Variants in TPD52L1 observed in about 807,000 individuals in gnomAD.
TPD52L1 encodes the protein TPD52 like 1.
In TPD52L1, 18 loss-of-function variants were observed where a neutral mutation model predicts 28.7. The ratio of observed to expected loss-of-function variants is 0.63; its 90% CI spans 0.43 to 0.93. The LOEUF (loss-of-function observed/expected upper bound fraction) is 0.93, where lower values mean the gene tolerates loss of function less well. Ranked by LOEUF, TPD52L1 falls within the 40% of genes least tolerant of loss-of-function variation. TPD52L1 has a pLI of 0.00. For missense variants in TPD52L1, 203 were observed against 254.8 expected, an observed-to-expected ratio of 0.80 and a Z score of 1.39; for synonymous variants, 75 against 88.8, an observed-to-expected ratio of 0.84 and a Z score of 0.88.
intron 1 of TPD52L1, among the ~76,000 whole-genome samples, chr6:125,169,455 C>T (rs968297701): frequency 2.0e-5 from 3 of 152,280 alleles, no homozygotes; most frequent in Admixed American, 2.0e-4. Context: ...CTCCTGAGCT[C>T]CCTCCTCCAA....
chr6:125,202,329 T>C (rs1167468463), intron 1 of TPD52L1, among the ~76,000 whole-genome samples: 1 of 152,234 alleles, frequency 6.6e-6, no homozygotes, highest in Non-Finnish European at 1.5e-5. Flanking sequence ...GAAAGATGAC[T>C]CAGCACTTTA....
At chr6:125,160,400 C>T (rs1016399711) in intron 1 of TPD52L1, among the ~76,000 whole-genome samples, 2 of 152,004 alleles carry the variant, frequency 1.3e-5, no homozygotes, top group Admixed American at 1.3e-4. Context: ...TGCTCGGTTG[C>T]CTAGGCTGAA....
chr6:125,176,047 A>C (rs761185886), intron 1 of TPD52L1, among the ~76,000 whole-genome samples: 9 of 152,306 alleles, frequency 5.9e-5, no homozygotes, highest in Non-Finnish European at 1.3e-4. Flanking sequence ...GATCTCTTAG[A>C]TTGCCATGGA....
rs112097163 is a variant in TPD52L1, at chr6:125,237,812, G to A, written c.284+8546G>A. On this transcript the variant is annotated intron_variant, in intron 3 of 6. Transcript: ENST00000534000. ...GCATGTGCCACCCAGCCCTGATTTT[G>A]TTTTGTTTTGTTTTGTTTTGCTTTT... is the stretch of plus-strand genomic sequence containing the variant. Among the ~76,000 whole-genome samples the A allele has an allele frequency of 1.2e-3, 185 of 150,668 alleles. 3 individuals carry two copies. Among genetic ancestry groups the A allele is most frequent in the African/African-American group, 4.2e-3 (172 of 41,384 alleles).
chr6:125,229,058 G>C, intron 2 of TPD52L1, 60 bp from the exon 3 acceptor site: 2 of 1,569,392 alleles, frequency 1.3e-6, no homozygotes, highest in Non-Finnish European at 1.7e-6. Context: ...CAGAGCTTCT[G>C]TAAGTATCCT....
chr6:125,192,312 A>G (rs1369594268), intron 1 of TPD52L1, among the ~76,000 whole-genome samples: 1 of 147,160 alleles, frequency 6.8e-6, no homozygotes, highest in African/African-American at 2.4e-5. Flanking sequence ...GAACAACAAC[A>G]AAAAAAATCT....
chr6:125,164,228 T>C (rs1790731488), intron 1 of TPD52L1, among the ~76,000 whole-genome samples: 1 of 152,202 alleles, frequency 6.6e-6, no homozygotes, highest in Admixed American at 6.5e-5. Context: ...AGAATTTAAT[T>C]GTACAGTTCA....
chr6:125,231,885 A>G (rs1795974886), intron 3 of TPD52L1, among the ~76,000 whole-genome samples: 1 of 152,162 alleles, frequency 6.6e-6, no homozygotes, highest in Non-Finnish European at 1.5e-5. Context: ...CCGATCCCAT[A>G]GGTAGTGAAG....
At chr6:125,190,069 T>C (rs1265422361) in intron 1 of TPD52L1, among the ~76,000 whole-genome samples, 1 of 152,154 alleles carries the variant, frequency 6.6e-6, no homozygotes, top group Non-Finnish European at 1.5e-5. Flanking sequence ...TATAGCTATC[T>C]GCTTCTAAGA....
chr6:125,262,867 A>C lies in TPD52L1; in HGVS notation c.520A>C (p.Ser174Arg). The C allele has an allele frequency of 6.2e-7, 1 of 1,614,216 alleles. No individual in the cohort carries two copies. Among genetic ancestry groups the C allele is most frequent in the Non-Finnish European group, 8.5e-7 (1 of 1,180,022 alleles). ...AGGCGGTACGAACCCTAATGGAGGC[A>C]GTTTTGAGGAGGTCCTCAGCTCCAC... ...KVGGTNPNGGSFEEVLSSTAH... is the reference protein window; with the variant it reads ...KVGGTNPNGGRFEEVLSSTAH... Residue 174 changes from serine (S) to arginine (R), a missense_variant, in exon 7 of 7, where the codon AGT (serine) becomes CGT (arginine). By Grantham distance (110) the Ser-to-Arg change is moderately radical. Transcript: ENST00000534000.
chr6:125,197,749 A>G (rs2114884413), intron 1 of TPD52L1, among the ~76,000 whole-genome samples: 1 of 152,320 alleles, frequency 6.6e-6, no homozygotes, highest in South Asian at 2.1e-4. Context: ...TCCAATTTTC[A>G]GAGTCTAAAA....
At chr6:125,163,942 G>GA (rs143376714) in intron 1 of TPD52L1, among the ~76,000 whole-genome samples, 2,149 of 147,340 alleles carry the variant, frequency 0.015, 56 homozygotes, top group African/African-American at 0.051. Context: ...GAAAACAAAA[G>GA]AAAAAAACCA....
intron 1 of TPD52L1, among the ~76,000 whole-genome samples, chr6:125,216,525 G>GTATATATA (rs1554210698): frequency 2.9e-5 from 3 of 104,868 alleles, no homozygotes; most frequent in South Asian, 2.8e-4. Flanking sequence ...TTCAGTATGT[G>GTATATATA]TGTGTATATA....
chr6:125,170,373 G>A (rs1026598777), intron 1 of TPD52L1, among the ~76,000 whole-genome samples: 1 of 150,830 alleles, frequency 6.6e-6, no homozygotes, highest in Admixed American at 6.6e-5. Flanking sequence ...GTTGTGTAGG[G>A]GCTATTATGT....
chr6:125,178,658 A>AAC (rs1163984998), intron 1 of TPD52L1, among the ~76,000 whole-genome samples: 20 of 148,000 alleles, frequency 1.4e-4, no homozygotes, highest in Non-Finnish European at 1.8e-4. Flanking sequence ...AACAAAACAA[A>AAC]ATATATATAT....
At chr6:125,204,630 CCG>C in intron 1 of TPD52L1, among the ~76,000 whole-genome samples, 8 of 152,116 alleles carry the variant, frequency 5.3e-5, no homozygotes, top group African/African-American at 1.7e-4. Flanking sequence ...CAGGCGCCCG[CCG>C]TCACGCCCGG....
intron 3 of TPD52L1, among the ~76,000 whole-genome samples, chr6:125,241,579 T>C (rs547606526): frequency 6.6e-6 from 1 of 152,128 alleles, no homozygotes; most frequent in Non-Finnish European, 1.5e-5. Flanking sequence ...CAGGAACTTA[T>C]CCATCTCCTC....
In TPD52L1 at chr6:125,189,751, C is replaced by T. The variant is rs1792906897; in HGVS notation, c.20-30327C>T. ...TATTCTCATTGTTATTTCCTTTTCA[C>T]TCTGAAGTAGTTCCAAATCTGATAC... On this transcript the variant is annotated intron_variant, in intron 1 of 6. Transcript: ENST00000534000. Among the ~76,000 whole-genome samples, 3 of 152,124 alleles carry T rather than the reference C, an allele frequency of 2.0e-5. No individual in the cohort carries two copies. The South Asian group carries it at 6.2e-4, about 32-fold the overall frequency.
chr6:125,172,539 T>TATATAATATATATATATATA (rs1562214611), intron 1 of TPD52L1, among the ~76,000 whole-genome samples: 8 of 95,022 alleles, frequency 8.4e-5, no homozygotes, highest in African/African-American at 2.6e-4. Context: ...TATATATATA[T>TATATAATATATATATATATA]ATATATATAT....
Sources: gnomAD v4.1 joint callset for allele counts (sites outside exome capture counted in the v4.1 genomes callset) on GRCh38, gnomAD v4.1.1 for gene constraint, MANE v1.5 for transcripts, NCBI Gene and HGNC (gene_info 2026-07-23, HGNC 2026-07-21) for gene names.